The following OR2T33 variants were observed in gnomAD, a reference collection of about 807,000 sequenced individuals.
OR2T33 encodes the protein olfactory receptor 2T33.
A neutral mutation model predicts 14.0 loss-of-function variants in OR2T33; 10 were observed. The observed-to-expected ratio is 0.72, with a 90% CI of 0.44 to 1.22. The LOEUF (loss-of-function observed/expected upper bound fraction) is 1.22. Among genes scored for constraint, OR2T33 ranks in the 50% most tolerant of loss-of-function variants. The pLI, the probability that OR2T33 is intolerant of heterozygous loss-of-function variation, is 0.00. For missense variants in OR2T33, 276 were observed against 405.9 expected, an observed-to-expected ratio of 0.68 and a Z score of 2.75; for synonymous variants, 103 against 159.4, an observed-to-expected ratio of 0.65 and a Z score of 2.66.
rs1342165372 is a variant in OR2T33, at chr1:248,270,324, T to C, written c.*2528A>G. 3.3e-5 allele frequency: 5 copies of C among 152,118 alleles called. No homozygotes were observed. Among genetic ancestry groups the C allele is most frequent in the Non-Finnish European group, 7.4e-5 (5 of 68,008 alleles). 9.4% of individuals were successfully genotyped at this position (152,118 alleles called of 1,614,324 possible). A position where few individuals can be genotyped will look rare whatever the true frequency, so the allele number is the denominator to read the frequency against. ...TAGGAGATATACCTAATGTAAATGA[T>C]GAGTTAATGAGTGCAGCACACCAAC... On this transcript the variant is annotated 3_prime_UTR_variant, in exon 2 of 2. Transcript: ENST00000641220.
intron 1 of OR2T33, among the ~76,000 whole-genome samples, chr1:248,275,767 C>G (rs914647093): frequency 2.9e-4 from 44 of 151,166 alleles, no homozygotes; most frequent in Admixed American, 5.3e-4. Context: ...GTCTAGTCAG[C>G]TTTTTCCAGA....
Position 248,272,890 on chromosome 1 carries a change from T to G in OR2T33, c.925A>C (p.Ile309Leu), listed in dbSNP as rs113609073. The G allele has an allele frequency of 3.6e-3, 5,764 of 1,613,770 alleles. 214 individuals carry two copies. In the African/African-American group the frequency reaches 0.066, roughly 18 times the overall value. The change falls in exon 2 of 2, where the codon ATA becomes CTA. Residue 309 changes from isoleucine (I) to leucine (L), a missense_variant. By Grantham distance (5) the Ile-to-Leu change is conservative (BLOSUM62 2). Transcript: ENST00000641220. Reference sequence around the variant, plus strand: ...TGGGCCTCATTTTGCTGGTGTTTTATGTTTACACACGTCCCCAGCCACCGT... The same window carrying G: ...TGGGCCTCATTTTGCTGGTGTTTTAGGTTTACACACGTCCCCAGCCACCGT... ...LKRWLGTCVN[I>L]KHQQNEAHRS...
Position 248,273,418 on chromosome 1 carries a change from G to C in OR2T33, c.397C>G (p.Leu133Val). 4 of 1,612,596 alleles carry C rather than the reference G, an allele frequency of 2.5e-6. No homozygotes were observed. Among genetic ancestry groups the C allele is most frequent in the South Asian group, 1.1e-5 (1 of 91,008 alleles). The part of the protein sequence containing the change: ...AVCHPLRYPT[L>V]MSWQLCLRMT... ...CTCAGGCACAGCTGCCAGCTCATGA[G>C]AGTGGGATATCGGAGTGGGTGGCAG... Residue 133 changes from leucine to valine, a missense_variant, in exon 2 of 2, where the codon CTC (leucine) becomes GTC (valine). Leu to Val is a conservative substitution (Grantham distance 32, BLOSUM62 1). Transcript: ENST00000641220.
chr1:248,274,961 G>A lies in OR2T33; in HGVS notation c.-8-1139C>T, dbSNP rs549896344. Among the ~76,000 whole-genome samples the A allele has an allele frequency of 4.9e-4, 75 of 152,216 alleles. No homozygotes were observed. In the South Asian group the frequency reaches 0.015, roughly 31 times the overall value. On this transcript the variant is annotated intron_variant, in intron 1 of 1. Coordinates refer to ENST00000641220, the MANE Select transcript of OR2T33 (RefSeq NM_001004695.2). ...AGAAAGCTTTTGCAGGTTGAGGACTGTTACATATTGAACATAAAAAAAAGT... is the reference window on the plus strand; with the variant it reads ...AGAAAGCTTTTGCAGGTTGAGGACTATTACATATTGAACATAAAAAAAAGT...
chr1:248,275,657 C>A (rs1332599733), intron 1 of OR2T33, among the ~76,000 whole-genome samples: 4 of 151,754 alleles, frequency 2.6e-5, no homozygotes, highest in Non-Finnish European at 5.9e-5. Context: ...TGTAATGAAC[C>A]TGCATGTTTG....
At chr1:248,274,017 T>C (rs1659421724) in intron 1 of OR2T33, among the ~76,000 whole-genome samples, 195 bp from the exon 2 acceptor site, 1 of 152,170 alleles carries the variant, frequency 6.6e-6, no homozygotes. Context: ...TTTTAATGTT[T>C]TAACTGAGAT....
Position 248,273,765 on chromosome 1 carries a change from T to G in OR2T33, c.50A>C (p.Asn17Thr). The part of the protein sequence containing the change: ...TPDFILLGLF[N>T]HTRAHQVLFM... ...GAGGACTTGGTGGGCTCTGGTGTGG[T>G]TAAAGAGTCCTAGGAGAATAAAATC... The change falls in exon 2 of 2, where the codon AAC becomes ACC. Residue 17 changes from asparagine to threonine, a missense_variant. Asn to Thr is a moderately conservative substitution (Grantham distance 65). Transcript: ENST00000641220. 1 of 1,613,580 alleles carries G rather than the reference T, an allele frequency of 6.2e-7. No homozygotes were observed.
rs1268104440 is a variant in OR2T33 at position 248,272,648 on chromosome 1, C to G, written c.*204G>C. The G allele has an allele frequency of 6.4e-6, 4 of 629,052 alleles. No individual in the cohort carries two copies. The South Asian group carries it at 9.1e-5, about 14-fold the overall frequency. 39.0% of individuals were successfully genotyped at this position (629,052 alleles called of 1,614,324 possible). A position where few individuals can be genotyped will look rare whatever the true frequency, so the allele number is the denominator to read the frequency against. On this transcript the variant is annotated 3_prime_UTR_variant, in exon 2 of 2. Transcript: ENST00000641220. ...GGGTTGTTGTAGGATACAAAGTAAT[C>G]CATAGATACTACTTCACTTGAAGAA...
chr1:248,273,244 A>T lies in OR2T33; in HGVS notation c.571T>A (p.Ser191Thr). The change falls in exon 2 of 2, where the codon TCA becomes ACA. Residue 191 changes from serine to threonine, a missense_variant. Coordinates refer to ENST00000641220, the MANE Select transcript of OR2T33 (RefSeq NM_001004695.2). Reference sequence around the variant, plus strand: ...ATGTACATGGCGTTTTCGAAGACTGAAGTGTCAGCACAAGCCAAACGCACC... The same window carrying T: ...ATGTACATGGCGTTTTCGAAGACTGTAGTGTCAGCACAAGCCAAACGCACC... ...VLVRLACADTSVFENAMYICC... is the reference protein window; with the variant it reads ...VLVRLACADTTVFENAMYICC... The T allele has an allele frequency of 6.2e-7, 1 of 1,610,204 alleles. No homozygotes were observed. Among genetic ancestry groups the T allele is most frequent in the Non-Finnish European group, 8.5e-7 (1 of 1,178,940 alleles).
rs1212212134 is a variant in OR2T33 at position 248,272,907 on chromosome 1, A to G, written c.908T>C (p.Leu303Pro). The change falls in exon 2 of 2, where the codon CTG (leucine) becomes CCG (proline). Residue 303 changes from leucine to proline, a missense_variant. Transcript: ENST00000641220. ...SEVKGALKRWLGTCVNIKHQQ... is the reference protein window; with the variant it reads ...SEVKGALKRWPGTCVNIKHQQ... ...GTGTTTTATGTTTACACACGTCCCC[A>G]GCCACCGTTTCAGGGCTCCCTTCAC... is the stretch of plus-strand genomic sequence containing the variant. 6.2e-7 allele frequency: 1 copy of G among 1,614,032 alleles called. No individual in the cohort carries two copies. The highest frequency in any genetic ancestry group is 2.2e-5 in the East Asian group (1 of 44,896).
rs189451475 is a variant in OR2T33 at position 248,271,263 on chromosome 1, T to A, written c.*1589A>T. On this transcript the variant is annotated 3_prime_UTR_variant, in exon 2 of 2. Coordinates refer to ENST00000641220, the MANE Select transcript of OR2T33 (RefSeq NM_001004695.2). ...CTAAAATAATTTCTCTGATGGTGAA[T>A]GAACCTGGTATGAGTAATGAAATTT... The A allele has an allele frequency of 1.1e-3, 173 of 152,322 alleles. No individual in the cohort carries two copies. The highest frequency in any genetic ancestry group is 3.9e-3 in the African/African-American group (161 of 41,578). 9.4% of individuals were successfully genotyped at this position (152,322 alleles called of 1,614,324 possible). A position where few individuals can be genotyped will look rare whatever the true frequency, so the allele number is the denominator to read the frequency against.
intron 1 of OR2T33, among the ~76,000 whole-genome samples, chr1:248,275,402 C>G (rs1202038120): frequency 1.3e-5 from 2 of 152,204 alleles, no homozygotes; most frequent in African/African-American, 4.8e-5. Flanking sequence ...GCATTACTGT[C>G]TTCCTATGTA....
rs537282473 is a variant in OR2T33 at position 248,275,420 on chromosome 1, C to A, written c.-8-1598G>T. On this transcript the variant is annotated intron_variant, in intron 1 of 1. Transcript: ENST00000641220. ...TTACTGTCTTCCTATGTAGTGTATG[C>A]AGTCCCTTTATTTTACATACTATTT... Among the ~76,000 whole-genome samples the A allele has an allele frequency of 5.9e-5, 9 of 152,318 alleles. No individual in the cohort carries two copies. The South Asian group carries it at 1.9e-3, about 32-fold the overall frequency.
Position 248,270,424 on chromosome 1 carries a change from A to AGAAAAAGT in OR2T33, c.*2420_*2427dup, listed in dbSNP as rs1659354782. ...CCTAGAACTTAAAGAATAATTTTAAAGAAAAAGTGAAAGAAGCCAGACATA... is the reference window on the plus strand; with the variant it reads ...CCTAGAACTTAAAGAATAATTTTAAAGAAAAAGTGAAAAAGTGAAAGAAGCCAGACATA... On this transcript the variant is annotated 3_prime_UTR_variant, in exon 2 of 2. Coordinates refer to ENST00000641220, the MANE Select transcript of OR2T33 (RefSeq NM_001004695.2). 1 of 152,208 alleles carries AGAAAAAGT rather than the reference A, an allele frequency of 6.6e-6. No homozygotes were observed. The allele number at this position is 152,208 out of a possible 1,614,324, so 9.4% of individuals were successfully genotyped here. A position where few individuals can be genotyped will look rare whatever the true frequency, so the allele number is the denominator to read the frequency against.
At chr1:248,275,150 T>C (rs6587444) in intron 1 of OR2T33, among the ~76,000 whole-genome samples, 120,168 of 152,114 alleles carry the variant, frequency 0.79, 47,858 homozygotes, top group South Asian at 0.88. Context: ...CCTCATCTCA[T>C]ACACAGATGG....
chr1:248,277,060 T>C (rs10888339), intron 1 of OR2T33, among the ~76,000 whole-genome samples: 67,670 of 150,254 alleles, frequency 0.45, 16,846 homozygotes, highest in Non-Finnish European at 0.55. Context: ...TTAAATAGGA[T>C]AGCTGGACTT....
At chr1:248,273,905 A>G (rs1227609346) in intron 1 of OR2T33, 83 bp from the exon 2 acceptor site, 1 of 1,526,386 alleles carries the variant, frequency 6.6e-7, no homozygotes, top group East Asian at 2.3e-5. Flanking sequence ...CAGTTTCCGG[A>G]CATACGTACT....
Position 248,270,235 on chromosome 1 carries a change from CAGAA to C in OR2T33, c.*2613_*2616del, listed in dbSNP as rs1376714327. 3 of 151,932 alleles carry C rather than the reference CAGAA, an allele frequency of 2.0e-5. No homozygotes were observed. The highest frequency in any genetic ancestry group is 4.8e-5 in the African/African-American group (2 of 41,322). The allele number at this position is 151,932 out of a possible 1,614,324, so 9.4% of individuals were successfully genotyped here. The stretch of plus-strand genomic sequence containing the variant: ...ATTGAACAATGAGAACACTTGGACA[CAGAA>C]AGGGGAACATCACACACCGGGGCCT... On this transcript the variant is annotated 3_prime_UTR_variant, in exon 2 of 2. Transcript: ENST00000641220.
At position 248,272,734 on chromosome 1, in the gene OR2T33, A is replaced by C; in HGVS notation, c.*118T>G. 1 of 1,309,160 alleles carries C rather than the reference A, an allele frequency of 7.6e-7. No individual in the cohort carries two copies. Among genetic ancestry groups the C allele is most frequent in the Non-Finnish European group, 1.1e-6 (1 of 950,418 alleles). 81.1% of individuals were successfully genotyped at this position (1,309,160 alleles called of 1,614,324 possible). ...CAATTAGCTCACTTAATTCTTAAAA[A>C]TATCCTATTATATCAATGCAAAAAC... On this transcript the variant is annotated 3_prime_UTR_variant, in exon 2 of 2. Transcript: ENST00000641220.
Sources: gnomAD v4.1 joint callset for allele counts (sites outside exome capture counted in the v4.1 genomes callset) on GRCh38, gnomAD v4.1.1 for gene constraint, MANE v1.5 for transcripts, NCBI Gene and HGNC (gene_info 2026-07-23, HGNC 2026-07-21) for gene names.